The following TBX3 variants were observed in gnomAD, a reference collection of about 807,000 sequenced individuals.
TBX3 encodes T-box transcription factor 3.
In TBX3, 11 loss-of-function variants were observed where a neutral mutation model predicts 47.8. That is an observed-to-expected ratio of 0.23 (90% CI 0.14 to 0.38). The LOEUF (loss-of-function observed/expected upper bound fraction) is 0.38, where lower values mean the gene tolerates loss of function less well. Ranked by LOEUF, TBX3 falls within the 10% of genes least tolerant of loss-of-function variation. The pLI is 1.00. For synonymous variants in TBX3, 500 were observed against 449.3 expected (o/e 1.11, Z -1.43); for missense variants, 927 against 1,022.8 (o/e 0.91, Z 1.28).
chr12:114,673,545 C>G (rs990774571), intron 6 of TBX3, among the ~76,000 whole-genome samples: 4 of 152,138 alleles, frequency 2.6e-5, no homozygotes, highest in African/African-American at 9.7e-5. Flanking sequence ...GAGCTTCGAA[C>G]TGGGAGGAAA....
In TBX3 at chr12:114,683,402, T is replaced by A; in HGVS notation, c.-202A>T. ...AGGAGGGGAAGTGTCTTTTGGAGAA[T>A]GGGAGGCCGCTTTTAAAGAGGGCAA... On this transcript the variant is annotated 5_prime_UTR_variant, in exon 1 of 7. Transcript: ENST00000349155. This position sits in a 1 kb window ranked among gnomAD's most constrained non-coding sequence, Gnocchi z 7.7. 1 of 689,310 alleles carries A rather than the reference T, an allele frequency of 1.5e-6. No individual in the cohort carries two copies. Among genetic ancestry groups the A allele is most frequent in the South Asian group, 2.3e-5 (1 of 44,354 alleles). The allele number at this position is 689,310 out of a possible 1,614,324, so 42.7% of individuals were successfully genotyped here.
Position 114,679,520 on chromosome 12 carries a change from T to C in TBX3, c.789A>G (p.Ala263=), listed in dbSNP as rs754665748. The part of the protein sequence containing the change: ...FPETEFIAVT[A]YQNDKITQLK... ...TTGAGTTTACCTTATCATTCTGGTA[T>C]GCAGTCACAGCGATGAATTCAGTTT... Residue 263 remains alanine, a synonymous_variant, in exon 3 of 7, where the codon GCA becomes GCG. Transcript: ENST00000349155. The C allele has an allele frequency of 2.1e-5, 34 of 1,614,216 alleles. No homozygotes were observed. The Admixed American group carries it at 5.7e-4, about 27-fold the overall frequency.
At position 114,683,188 on chromosome 12, in the gene TBX3, T is replaced by G. The variant is rs778445850; in HGVS notation, c.13A>C (p.Met5Leu). The change falls in exon 1 of 7, where the codon ATG becomes CTG. Residue 5 changes from methionine (M) to leucine (L), a missense_variant. Met to Leu is a conservative substitution (Grantham distance 15, BLOSUM62 2). Around this residue, in one of 5 missense-constraint regions of TBX3, gnomAD observed 216 missense variants for 281.2 expected, o/e 0.77. Transcript: ENST00000349155. This position sits in a 1 kb window ranked among gnomAD's most constrained non-coding sequence, Gnocchi z 7.7. ...GTCCCAGGAATGACCGGATCTCTCA[T>G]GGAGAGGCTCATCCACTCCAGGCGG... MSLSMRDPVIPGTSM... is the reference protein window; with the variant it reads MSLSLRDPVIPGTSM... The G allele has an allele frequency of 6.2e-7, 1 of 1,611,080 alleles. No homozygotes were observed. The highest frequency in any genetic ancestry group is 1.1e-5 in the South Asian group (1 of 91,022).
chr12:114,678,393 T>C (rs1168137085), intron 3 of TBX3, among the ~76,000 whole-genome samples: 1 of 152,214 alleles, frequency 6.6e-6, no homozygotes, highest in East Asian at 1.9e-4. Flanking sequence ...GTGTAATCTT[T>C]CAAATCCCTT....
chr12:114,671,803 G>A lies in TBX3; in HGVS notation c.*38C>T, dbSNP rs767404013. ...TATCCGACAAAGTGCACGGCAGCCT[G>A]AACTGGACTGGAATGAAAAGACGTG... On this transcript the variant is annotated 3_prime_UTR_variant, in exon 7 of 7. Transcript: ENST00000349155. 7 of 1,547,262 alleles carry A rather than the reference G, an allele frequency of 4.5e-6. No individual in the cohort carries two copies. The highest frequency in any genetic ancestry group is 1.2e-5 in the South Asian group (1 of 83,840).
chr12:114,675,205 T>C (rs1868654718), intron 5 of TBX3, among the ~76,000 whole-genome samples: 1 of 152,210 alleles, frequency 6.6e-6, no homozygotes, highest in South Asian at 2.1e-4. Flanking sequence ...GCAAATTAAC[T>C]TTTTAAAAGT....
At chr12:114,678,551 A>G (rs965948863) in intron 3 of TBX3, among the ~76,000 whole-genome samples, 2 of 152,200 alleles carry the variant, frequency 1.3e-5, no homozygotes, top group African/African-American at 4.8e-5. Context: ...TGGTATTCAC[A>G]CTAAAGAAAT....
rs369260227 is a variant in TBX3 at position 114,670,539 on chromosome 12, C to G, written c.*1302G>C. On this transcript the variant is annotated 3_prime_UTR_variant, in exon 7 of 7. Coordinates refer to ENST00000349155, the MANE Select transcript of TBX3 (RefSeq NM_005996.4). ...CAAAAGAAAAATTAAAAAGTCAAAC[C>G]GCAGCCTCTGCCCTCCTCCCTCCCC... is the stretch of plus-strand genomic sequence containing the variant. The G allele has an allele frequency of 1.4e-4, 31 of 226,494 alleles. No homozygotes were observed. Among genetic ancestry groups the G allele is most frequent in the African/African-American group, 5.1e-4 (23 of 45,146 alleles). The allele number at this position is 226,494 out of a possible 1,614,324, so 14.0% of individuals were successfully genotyped here.
intron 4 of TBX3, among the ~76,000 whole-genome samples, chr12:114,676,886 T>C (rs74628520): frequency 0.028 from 4,198 of 152,326 alleles, 105 homozygotes; most frequent in Non-Finnish European, 0.043. Flanking sequence ...GTCCCCAGCA[T>C]ACCCAAATTT....
At chr12:114,679,471 AT>A in intron 3 of TBX3, 33 bp downstream of exon 3, 1 of 1,614,100 alleles carries the variant, frequency 6.2e-7, no homozygotes, top group Non-Finnish European at 8.5e-7. Flanking sequence ...AAGGCAAAAT[AT>A]CACCATTAAA....
Position 114,674,369 on chromosome 12 carries a change from G to A in TBX3, c.1506C>T (p.Pro502=), listed in dbSNP as rs769176015. Residue 502 remains proline, a synonymous_variant, in exon 6 of 7, where the codon CCC becomes CCT. Transcript: ENST00000349155. ...AGGCGCCCCCCATGGCAAACTGGCT[G>A]GGGTGCAGGAAGAGCGGGTGCCCGT... The part of the protein sequence containing the change: ...FFNGHPLFLH[P]SQFAMGGAFS... 50 of 1,554,808 alleles carry A rather than the reference G, an allele frequency of 3.2e-5. No homozygotes were observed. The highest frequency in any genetic ancestry group is 3.7e-5 in the Non-Finnish European group (43 of 1,149,536).
rs767500073 is a variant in TBX3, at chr12:114,674,242, C to T, written c.1633G>A (p.Ala545Thr). 5.1e-6 allele frequency: 8 copies of T among 1,575,338 alleles called. No homozygotes were observed. In the South Asian group the frequency reaches 5.8e-5, roughly 11 times the overall value. The change falls in exon 6 of 7, where the codon GCT becomes ACT. Residue 545 changes from alanine (A) to threonine (T), a missense_variant. Around this residue, in one of 5 missense-constraint regions of TBX3, gnomAD observed 623 missense variants for 569.0 expected, o/e 1.09. Transcript: ENST00000349155. ...GLDSTAMASAAAAQGLSGASA... is the reference protein window; with the variant it reads ...GLDSTAMASATAAQGLSGASA... ...GCCCCGGACAGTCCCTGCGCCGCAG[C>T]GGCAGAGGCCATGGCCGTGGAATCC...
intron 1 of TBX3, 84 bp from the exon 2 acceptor site, chr12:114,681,230 T>C: frequency 2.6e-6 from 4 of 1,554,134 alleles, no homozygotes; most frequent in Non-Finnish European, 3.5e-6. Context: ...CACATAATAT[T>C]GAAACCAAGT....
chr12:114,680,567 A>T, intron 2 of TBX3: 1 of 482,182 alleles, frequency 2.1e-6, no homozygotes, highest in South Asian at 2.2e-5. Flanking sequence ...TTAGGAATAC[A>T]TAGCCTTGAA....
rs764442602 is a variant in TBX3, at chr12:114,672,129, C to A, written c.1884G>T (p.Pro628=). 18 of 1,570,844 alleles carry A rather than the reference C, an allele frequency of 1.1e-5. No individual in the cohort carries two copies. Among genetic ancestry groups the A allele is most frequent in the Non-Finnish European group, 1.5e-5 (17 of 1,158,364 alleles). The stretch of plus-strand genomic sequence containing the variant: ...TGAGCAGACTGCTGCCGTCCGGGAC[C>A]GGCACCGGGATGGAGTAGGGGCTGT... ...LRYSPYSIPV[P]VPDGSSLLTT... The change falls in exon 7 of 7, where the codon CCG becomes CCT. Residue 628 remains proline (P), a synonymous_variant. Coordinates refer to ENST00000349155, the MANE Select transcript of TBX3 (RefSeq NM_005996.4).
rs1198914710 is a variant in TBX3, at chr12:114,674,810, G to T, written c.1065C>A (p.Ser355Arg). Reference sequence around the variant, plus strand: ...CCTCTTTGCTCTCGGCCTCGGCGTCGCTCTCACCCTCGCTGGGACATAAAT... The same window carrying T: ...CCTCTTTGCTCTCGGCCTCGGCGTCTCTCTCACCCTCGCTGGGACATAAAT... ...LKDLCPSEGE[S>R]DAEAESKEEH... The change falls in exon 6 of 7, where the codon AGC becomes AGA. Residue 355 changes from serine to arginine, a missense_variant. Ser to Arg is a moderately radical substitution (Grantham distance 110). Transcript: ENST00000349155. The T allele has an allele frequency of 1.3e-6, 2 of 1,577,428 alleles. No homozygotes were observed. The highest frequency in any genetic ancestry group is 1.1e-5 in the South Asian group (1 of 87,066).
Position 114,680,990 on chromosome 12 carries a change from C to A in TBX3, c.546G>T (p.Lys182Asn). 1 of 1,614,136 alleles carries A rather than the reference C, an allele frequency of 6.2e-7. No homozygotes were observed. The highest frequency in any genetic ancestry group is 8.5e-7 in the Non-Finnish European group (1 of 1,180,038). ...VAGKADPEMP[K>N]RMYIHPDSPA... ...GGCTGTCCGGGTGAATGTACATCCT[C>A]TTTGGCATTTCGGGGTCGGCCTTAC... is the stretch of plus-strand genomic sequence containing the variant. Residue 182 changes from lysine to asparagine, a missense_variant, in exon 2 of 7, where the codon AAG becomes AAT. Physicochemically the swap from Lys to Asn is moderately conservative, Grantham distance 94. Around this residue, in one of 5 missense-constraint regions of TBX3, gnomAD observed 216 missense variants for 281.2 expected, o/e 0.77. Transcript: ENST00000349155.
intron 6 of TBX3, among the ~76,000 whole-genome samples, chr12:114,672,786 C>A (rs1458888452): frequency 6.6e-6 from 1 of 152,082 alleles, no homozygotes; most frequent in Non-Finnish European, 1.5e-5. Flanking sequence ...TTTTTTAAAT[C>A]TTTCTTCTTC....
In TBX3 at chr12:114,671,772, A is replaced by G. The variant is rs1189096570; in HGVS notation, c.*69T>C. The G allele has an allele frequency of 5.2e-6, 8 of 1,538,696 alleles. No homozygotes were observed. The highest frequency in any genetic ancestry group is 6.1e-6 in the Non-Finnish European group (7 of 1,138,452). On this transcript the variant is annotated 3_prime_UTR_variant, in exon 7 of 7. Coordinates refer to ENST00000349155, the MANE Select transcript of TBX3 (RefSeq NM_005996.4). ...TAACGCCATGGCGGGCCCGTGGTTT[A>G]TTTTATATCCGACAAAGTGCACGGC...
Sources: allele counts gnomAD v4.1 joint callset (sites outside exome capture counted in the v4.1 genomes callset), GRCh38; gene constraint gnomAD v4.1.1; regional missense constraint gnomAD v4.1.1; non-coding constraint Gnocchi (gnomAD v3.1); transcripts MANE v1.5; gene names NCBI Gene and HGNC (gene_info 2026-07-23, HGNC 2026-07-21).